The following HABP2 variants were observed in gnomAD, a reference collection of about 807,000 sequenced individuals.
The protein encoded by HABP2 is factor VII-activating protease.
A neutral mutation model predicts 66.5 loss-of-function variants in HABP2; 65 were observed. The ratio of observed to expected loss-of-function variants is 0.98; its 90% CI spans 0.80 to 1.20. The LOEUF (loss-of-function observed/expected upper bound fraction) is 1.20, where lower values mean the gene tolerates loss of function less well. Ranked by LOEUF, HABP2 falls within the 50% of genes most tolerant of loss-of-function variation. HABP2 has a pLI of 0.00. For missense variants in HABP2, 786 were observed against 691.0 expected (o/e 1.14, Z -1.54); for synonymous variants, 263 against 253.9 (o/e 1.04, Z -0.34).
intron 8 of HABP2, among the ~76,000 whole-genome samples, chr10:113,581,427 A>G (rs1363705837): frequency 3.3e-5 from 5 of 152,022 alleles, no homozygotes; most frequent in Admixed American, 2.0e-4. Flanking sequence ...GTCTTATCTC[A>G]CCTATTCTAG....
intron 5 of HABP2, 31 bp downstream of exon 5, chr10:113,577,297 C>G (rs757304425): frequency 1.8e-6 from 2 of 1,112,876 alleles, no homozygotes; most frequent in Admixed American, 3.4e-5. Context: ...CGACGCTAGA[C>G]TTTCTGTGCC....
chr10:113,578,870 G>A (rs770759481), intron 7 of HABP2, 72 bp downstream of exon 7: 14 of 1,015,610 alleles, frequency 1.4e-5, no homozygotes, highest in Non-Finnish European at 2.2e-5. Flanking sequence ...AAATTCATCA[G>A]CCTCCTTTCT....
At chr10:113,575,132 G>T (rs1355479478) in intron 3 of HABP2, among the ~76,000 whole-genome samples, 3 of 152,224 alleles carry the variant, frequency 2.0e-5, no homozygotes, top group African/African-American at 7.2e-5. Context: ...ACTGTGCAAA[G>T]TGGCCTGGAA....
chr10:113,577,628 CA>C, intron 5 of HABP2, among the ~76,000 whole-genome samples: 1 of 152,340 alleles, frequency 6.6e-6, no homozygotes, highest in Non-Finnish European at 1.5e-5. Context: ...AAAGACACCT[CA>C]AGGAGGAGCT....
rs759607284 is a variant in HABP2, at chr10:113,583,399, G to C, written c.1237+41G>C. ...ATGGCTTTCCTGAGGGTCTTGTCCT[G>C]GGTGGATTTCTCTATGACCAGAAAG... On this transcript the variant is annotated intron_variant, in intron 10 of 12. Transcript: ENST00000351270. 5.0e-6 allele frequency: 8 copies of C among 1,589,166 alleles called. No individual in the cohort carries two copies. In the African/African-American group the frequency reaches 1.1e-4, roughly 21 times the overall value.
At chr10:113,571,865 G>A (rs1845319184) in intron 2 of HABP2, among the ~76,000 whole-genome samples, 1 of 152,226 alleles carries the variant, frequency 6.6e-6, no homozygotes, top group African/African-American at 2.4e-5. Flanking sequence ...CCTGAACCTG[G>A]CATAACACTT....
At chr10:113,570,819 A>G (rs142013759) in intron 2 of HABP2, among the ~76,000 whole-genome samples, 1 of 152,356 alleles carries the variant, frequency 6.6e-6, no homozygotes, top group Non-Finnish European at 1.5e-5. Flanking sequence ...TCAATCACAT[A>G]CATTAACTAC....
intron 1 of HABP2, among the ~76,000 whole-genome samples, chr10:113,557,775 G>A (rs1320407368): frequency 2.6e-5 from 4 of 152,242 alleles, no homozygotes; most frequent in African/African-American, 9.6e-5. Context: ...ATTAATAGTA[G>A]CAGCAACCAC....
In HABP2 at chr10:113,588,952, T is replaced by C; in HGVS notation, c.*583T>C. 1 of 1,570,662 alleles carries C rather than the reference T, an allele frequency of 6.4e-7. No individual in the cohort carries two copies. The highest frequency in any genetic ancestry group is 8.7e-7 in the Non-Finnish European group (1 of 1,151,278). On this transcript the variant is annotated 3_prime_UTR_variant, in exon 13 of 13. Transcript: ENST00000351270. The stretch of plus-strand genomic sequence containing the variant: ...GTGAACAAACTTCCTCTCTGGCCTC[T>C]CAGGAATCAGGGTGGACATGGCTCA...
chr10:113,575,909 C>T lies in HABP2; in HGVS notation c.236C>T (p.Pro79Leu), dbSNP rs1413357016. 1.2e-6 allele frequency: 2 copies of T among 1,605,092 alleles called. No individual in the cohort carries two copies. Among genetic ancestry groups the T allele is most frequent in the Non-Finnish European group, 1.7e-6 (2 of 1,172,004 alleles). Residue 79 changes from proline (P) to leucine (L), a missense_variant, in exon 4 of 13, where the codon CCC (proline) becomes CTC (leucine). By Grantham distance (98) the Pro-to-Leu change is moderately conservative (BLOSUM62 -3). Transcript: ENST00000351270. ...YTEDQADPCQ[P>L]NPCEHGGDCL... ...CTGTGTGTCTTAGATCCATGCCAGCCCAACCCCTGTGAACACGGTGGGGAC... is the reference window on the plus strand; with the variant it reads ...CTGTGTGTCTTAGATCCATGCCAGCTCAACCCCTGTGAACACGGTGGGGAC...
At chr10:113,562,353 C>T (rs1338494999) in intron 1 of HABP2, among the ~76,000 whole-genome samples, 4 of 151,368 alleles carry the variant, frequency 2.6e-5, no homozygotes, top group Admixed American at 6.6e-5. Flanking sequence ...GGCCAAGGCT[C>T]AATCTGACTT....
intron 2 of HABP2, among the ~76,000 whole-genome samples, chr10:113,573,103 A>G (rs558364049): frequency 6.6e-6 from 1 of 152,174 alleles, no homozygotes; most frequent in Non-Finnish European, 1.5e-5. Flanking sequence ...CCTCATTATC[A>G]TATGCATCTC....
chr10:113,584,314 G>A (rs1484469246), intron 11 of HABP2, 32 bp downstream of exon 11: 12 of 1,603,744 alleles, frequency 7.5e-6, no homozygotes, highest in Non-Finnish European at 9.4e-6. Flanking sequence ...CCATGACTTA[G>A]GTGAACTACA....
intron 12 of HABP2, among the ~76,000 whole-genome samples, chr10:113,587,133 G>A (rs1430968789): frequency 6.6e-6 from 1 of 152,180 alleles, no homozygotes; most frequent in African/African-American, 2.4e-5. Context: ...TAGCCAACAT[G>A]GTGAAACCCT....
In HABP2 at chr10:113,589,412, T is replaced by C. The variant is rs1751108650; in HGVS notation, c.*1043T>C. The C allele has an allele frequency of 1.7e-6, 1 of 583,542 alleles. No homozygotes were observed. The highest frequency in any genetic ancestry group is 3.0e-6 in the Non-Finnish European group (1 of 331,128). 36.1% of individuals were successfully genotyped at this position (583,542 alleles called of 1,614,324 possible). ...CTGGGCTGCCCTGGCCCGGGATTGA[T>C]GTAGCCCCGGTAGGTTTGCCTCTGC... is the stretch of plus-strand genomic sequence containing the variant. On this transcript the variant is annotated 3_prime_UTR_variant, in exon 13 of 13. Coordinates refer to ENST00000351270, the MANE Select transcript of HABP2 (RefSeq NM_004132.5).
At chr10:113,566,213 G>A (rs1320518127) in intron 1 of HABP2, among the ~76,000 whole-genome samples, 1 of 152,120 alleles carries the variant, frequency 6.6e-6, no homozygotes, top group African/African-American at 2.4e-5. Context: ...TTTAAATCAG[G>A]GTTCAGCAAA....
At position 113,588,344 on chromosome 10, in the gene HABP2, C is replaced by G. The variant is rs770440267; in HGVS notation, c.1658C>G (p.Thr553Ser). Residue 553 changes from threonine to serine, a missense_variant, in exon 13 of 13, where the codon ACC (threonine) becomes AGC (serine). Transcript: ENST00000351270. ...AAATTCCTGAATTGGATCAAAGCCACCATCAAAAGTGAAAGTGGCTTCTAA... is the reference window on the plus strand; with the variant it reads ...AAATTCCTGAATTGGATCAAAGCCAGCATCAAAAGTGAAAGTGGCTTCTAA... ...VTKFLNWIKATIKSESGF is the reference protein window; with the variant it reads ...VTKFLNWIKASIKSESGF The G allele has an allele frequency of 4.3e-6, 7 of 1,613,288 alleles. No homozygotes were observed. The Admixed American group carries it at 1.2e-4, about 27-fold the overall frequency.
rs1845545478 is a variant in HABP2 at position 113,582,035 on chromosome 10, C to A, written c.998C>A (p.Ser333Tyr). 1 of 1,613,876 alleles carries A rather than the reference C, an allele frequency of 6.2e-7. No individual in the cohort carries two copies. The highest frequency in any genetic ancestry group is 1.1e-5 in the South Asian group (1 of 91,096). ...GKHPWQASLQ[S>Y]SLPLTISMPQ... ...CACCCATGGCAGGCGTCCCTCCAGT[C>A]CTCGCTGCCTCTGACCATCTCCATG... Residue 333 changes from serine (S) to tyrosine (Y), a missense_variant, in exon 9 of 13, where the codon TCC becomes TAC. Coordinates refer to ENST00000351270, the MANE Select transcript of HABP2 (RefSeq NM_004132.5).
intron 2 of HABP2, among the ~76,000 whole-genome samples, chr10:113,573,612 A>G (rs1169540697): frequency 6.6e-6 from 1 of 152,240 alleles, no homozygotes; most frequent in Non-Finnish European, 1.5e-5. Flanking sequence ...TGTCAGCCTC[A>G]GGTTTCTCAA....
Sources: allele counts gnomAD v4.1 joint callset (sites outside exome capture counted in the v4.1 genomes callset), GRCh38; gene constraint gnomAD v4.1.1; transcripts MANE v1.5; gene names NCBI Gene and HGNC (gene_info 2026-07-23, HGNC 2026-07-21).